Variants in PDGFD observed in about 807,000 individuals in gnomAD.
PDGFD encodes platelet derived growth factor D, also known as platelet-derived growth factor D.
In PDGFD, 30 loss-of-function variants were observed where a neutral mutation model predicts 44.7. That is an observed-to-expected ratio of 0.67 (90% CI 0.50 to 0.91). The LOEUF (loss-of-function observed/expected upper bound fraction) is 0.91, where lower values mean the gene tolerates loss of function less well. Among genes scored for constraint, PDGFD ranks in the 40% least tolerant of loss-of-function variants. PDGFD has a pLI of 0.00. For missense variants in PDGFD, 445 were observed against 457.8 expected, an observed-to-expected ratio of 0.97 and a Z score of 0.25; for synonymous variants, 173 against 168.4, an observed-to-expected ratio of 1.03 and a Z score of -0.21.
chr11:103,977,139 AG>A (rs1484529657), intron 3 of PDGFD, among the ~76,000 whole-genome samples: 1 of 152,164 alleles, frequency 6.6e-6, no homozygotes, highest in East Asian at 1.9e-4. Context: ...AGACTAAACC[AG>A]GAAGAAGTCA....
At chr11:104,107,879 T>C (rs1861493216) in intron 1 of PDGFD, among the ~76,000 whole-genome samples, 1 of 152,174 alleles carries the variant, frequency 6.6e-6, no homozygotes, top group African/African-American at 2.4e-5. Flanking sequence ...AATATTATTA[T>C]TAATGTCATT....
intron 3 of PDGFD, among the ~76,000 whole-genome samples, chr11:103,971,061 T>A (rs1859095668): frequency 6.6e-6 from 1 of 152,176 alleles, no homozygotes; most frequent in East Asian, 1.9e-4. Flanking sequence ...GAGTCATGTG[T>A]TTTAAATGAG....
At chr11:104,136,016 G>T (rs112350476) in intron 1 of PDGFD, among the ~76,000 whole-genome samples, 10 of 152,284 alleles carry the variant, frequency 6.6e-5, no homozygotes, top group African/African-American at 1.9e-4. Flanking sequence ...TCTGGAAGGA[G>T]AAAGGAGGGA....
intron 3 of PDGFD, among the ~76,000 whole-genome samples, chr11:103,970,495 G>A (rs1859087587): frequency 6.6e-6 from 1 of 152,228 alleles, no homozygotes; most frequent in East Asian, 1.9e-4. Context: ...CCAGTGCATT[G>A]ATAAGACAGA....
At position 104,088,563 on chromosome 11, in the gene PDGFD, A is replaced by C. The variant is rs1861167089; in HGVS notation, c.124+75241T>G. On this transcript the variant is annotated intron_variant, in intron 1 of 6. Transcript: ENST00000393158. ...ATACTTTTTAAACATGACATACCAA[A>C]ATTAAAATTCTTGAGTTTAGACTTC... Among the ~76,000 whole-genome samples, 3 of 152,266 alleles carry C rather than the reference A, an allele frequency of 2.0e-5. No homozygotes were observed. The South Asian group carries it at 6.2e-4, about 32-fold the overall frequency.
intron 3 of PDGFD, among the ~76,000 whole-genome samples, chr11:103,974,069 G>A (rs536521935): frequency 1.3e-5 from 2 of 152,098 alleles, no homozygotes; most frequent in Non-Finnish European, 1.5e-5. Context: ...TGTTTACTGT[G>A]TAGAAAAGAA....
At chr11:104,046,878 C>T (rs1300650285) in intron 1 of PDGFD, among the ~76,000 whole-genome samples, 5 of 146,476 alleles carry the variant, frequency 3.4e-5, no homozygotes, top group Non-Finnish European at 7.6e-5. Flanking sequence ...TATCCTAATG[C>T]TATCCCTCCC....
intron 1 of PDGFD, among the ~76,000 whole-genome samples, chr11:104,078,031 G>A (rs921709080): frequency 1.8e-4 from 27 of 152,208 alleles, no homozygotes; most frequent in Non-Finnish European, 3.5e-4. Flanking sequence ...TGCTGGTTAT[G>A]CCACTGGTCC....
At chr11:104,030,309 C>T (rs1379981941) in intron 1 of PDGFD, among the ~76,000 whole-genome samples, 6 of 152,200 alleles carry the variant, frequency 3.9e-5, no homozygotes, top group South Asian at 2.1e-4. Context: ...AGATCCCTGA[C>T]GCAGACAACA....
At chr11:104,008,631 C>A (rs949732239) in intron 1 of PDGFD, among the ~76,000 whole-genome samples, 5 of 152,092 alleles carry the variant, frequency 3.3e-5, no homozygotes, top group South Asian at 2.1e-4. Context: ...TAAGTAAAGA[C>A]TTCTTTCTGA....
At chr11:104,096,964 CCT>C (rs1861298099) in intron 1 of PDGFD, among the ~76,000 whole-genome samples, 3 of 152,258 alleles carry the variant, frequency 2.0e-5, no homozygotes, top group Middle Eastern at 3.4e-3. Flanking sequence ...CTATTTATTA[CCT>C]CTTATCTCAA....
intron 1 of PDGFD, among the ~76,000 whole-genome samples, chr11:104,107,200 G>C (rs1275423632): frequency 1.3e-5 from 2 of 152,112 alleles, no homozygotes; most frequent in African/African-American, 4.8e-5. Context: ...TCCCCAAAGA[G>C]ACCGAATCAC....
Position 104,103,462 on chromosome 11 carries a change from G to A in PDGFD, c.124+60342C>T, listed in dbSNP as rs11226156. The stretch of plus-strand genomic sequence containing the variant: ...AACAGACAATTATGTGTGTGTGTGT[G>A]TATATATATATATATATATATATAT... On this transcript the variant is annotated intron_variant, in intron 1 of 6. Coordinates refer to ENST00000393158, the MANE Select transcript of PDGFD (RefSeq NM_025208.5). 1.2e-4 allele frequency among the ~76,000 whole-genome samples: 16 copies of A among 133,266 alleles called. No homozygotes were observed. The East Asian group carries it at 3.3e-3, about 27-fold the overall frequency. The allele number at this position is 133,266 out of a possible 152,430, so 87.4% of individuals were successfully genotyped here. A position where few individuals can be genotyped will look rare whatever the true frequency, so the allele number is the denominator to read the frequency against.
intron 1 of PDGFD, among the ~76,000 whole-genome samples, chr11:104,103,846 A>G (rs1743299236): frequency 6.6e-6 from 1 of 152,060 alleles, no homozygotes; most frequent in South Asian, 2.1e-4. Flanking sequence ...TGGTTTACTT[A>G]TTTACTATAT....
At chr11:104,064,843 AC>A (rs1860765534) in intron 1 of PDGFD, among the ~76,000 whole-genome samples, 1 of 152,238 alleles carries the variant, frequency 6.6e-6, no homozygotes. Context: ...CATAGTTAAT[AC>A]AAAAATACAG....
At chr11:104,081,294 T>G (rs1350484949) in intron 1 of PDGFD, among the ~76,000 whole-genome samples, 1 of 152,190 alleles carries the variant, frequency 6.6e-6, no homozygotes, top group Non-Finnish European at 1.5e-5. Flanking sequence ...CCTGAAAAGA[T>G]TTATGCATAA....
chr11:104,043,161 A>G (rs1860386389), intron 1 of PDGFD, among the ~76,000 whole-genome samples: 1 of 152,212 alleles, frequency 6.6e-6, no homozygotes, highest in Admixed American at 6.5e-5. Context: ...AATATAGAAT[A>G]TGGAGTAGAG....
chr11:104,054,791 C>G (rs956046698), intron 1 of PDGFD, among the ~76,000 whole-genome samples: 3 of 152,128 alleles, frequency 2.0e-5, no homozygotes, highest in Non-Finnish European at 4.4e-5. Flanking sequence ...CAAAAAGAAG[C>G]CACTTGTAAA....
chr11:103,910,024 T>C (rs1262328113), intron 6 of PDGFD, among the ~76,000 whole-genome samples: 1 of 152,190 alleles, frequency 6.6e-6, no homozygotes, highest in Non-Finnish European at 1.5e-5. Flanking sequence ...AGGAATCAAT[T>C]GATCCCAGAG....
Sources: allele counts gnomAD v4.1 joint callset (sites outside exome capture counted in the v4.1 genomes callset), GRCh38; gene constraint gnomAD v4.1.1; transcripts MANE v1.5; gene names NCBI Gene and HGNC (gene_info 2026-07-23, HGNC 2026-07-21).